Variants in XPO6 observed in about 807,000 individuals in gnomAD.
XPO6 encodes the protein exportin-6.
XPO6 carries 3 observed loss-of-function variants against 130.0 expected under a neutral mutation model. The observed-to-expected ratio is 0.02, with a 90% CI of 0.01 to 0.06. The LOEUF is 0.06. XPO6 is among the 10% of genes least tolerant of loss of function. The probability of loss-of-function intolerance (pLI) is 1.00; values close to 1 mark genes in which losing one functional copy is unlikely to be tolerated. For missense variants in XPO6, 970 were observed against 1,393.0 expected, an observed-to-expected ratio of 0.70 and a Z score of 4.83; for synonymous variants, 524 against 548.9, an observed-to-expected ratio of 0.95 and a Z score of 0.63.
chr16:28,131,528 T>C (rs1246924302), intron 12 of XPO6, among the ~76,000 whole-genome samples: 1 of 152,248 alleles, frequency 6.6e-6, no homozygotes, highest in Non-Finnish European at 1.5e-5. Flanking sequence ...TTTCAGTTAC[T>C]GGTGTTTTCA....
At chr16:28,143,963 T>A (rs557389186) in intron 9 of XPO6, among the ~76,000 whole-genome samples, 46 of 152,318 alleles carry the variant, frequency 3.0e-4, no homozygotes, top group East Asian at 7.7e-4. Flanking sequence ...AGCATTTTCA[T>A]ATTAATCATT....
intron 6 of XPO6, among the ~76,000 whole-genome samples, chr16:28,159,264 T>TG (rs2043232874): frequency 2.0e-5 from 3 of 151,788 alleles, no homozygotes; most frequent in Non-Finnish European, 4.4e-5. Flanking sequence ...GAAAAAAAAC[T>TG]ATAACAAGAA....
At chr16:28,192,632 G>A (rs1210969481) in intron 1 of XPO6, among the ~76,000 whole-genome samples, 1 of 152,064 alleles carries the variant, frequency 6.6e-6, no homozygotes, top group Non-Finnish European at 1.5e-5. Context: ...CCTCACACTG[G>A]GTAGATGTGG....
At chr16:28,161,438 A>G (rs1329108401) in intron 6 of XPO6, among the ~76,000 whole-genome samples, 1 of 152,158 alleles carries the variant, frequency 6.6e-6, no homozygotes, top group Non-Finnish European at 1.5e-5. Context: ...TTCATTAACG[A>G]AGGGTTTAAG....
At chr16:28,130,680 G>A (rs553031524) in intron 12 of XPO6, among the ~76,000 whole-genome samples, 57 of 152,260 alleles carry the variant, frequency 3.7e-4, no homozygotes, top group South Asian at 6.2e-4. Flanking sequence ...TGATCCGGAC[G>A]AGCCGAGTTC....
intron 9 of XPO6, 72 bp from the exon 10 acceptor site, chr16:28,135,396 T>A (rs2042756108): frequency 8.2e-7 from 1 of 1,218,160 alleles, no homozygotes. Flanking sequence ...CCTCCTGCAC[T>A]ATAAAAGAAA....
Position 28,101,635 on chromosome 16 carries a change from G to C in XPO6, c.3099C>G (p.Val1033=). ...LFQFVNVLLQ[V]LVHKSHDLLQ... ...GAAGATCATGGGACTTGTGGACCAG[G>C]ACCTGGAGCAGCACGTTCACAAACT... Residue 1033 remains valine (V), a synonymous_variant, in exon 23 of 24, where the codon GTC becomes GTG. Coordinates refer to ENST00000304658, the MANE Select transcript of XPO6 (RefSeq NM_015171.4). This position sits in a 1 kb window ranked among gnomAD's most constrained non-coding sequence, Gnocchi z 5.4. 6.2e-7 allele frequency: 1 copy of C among 1,613,638 alleles called. No homozygotes were observed. Among genetic ancestry groups the C allele is most frequent in the Middle Eastern group, 1.7e-4 (1 of 6,060 alleles).
At chr16:28,102,311 C>T (rs1203975535) in intron 21 of XPO6, among the ~76,000 whole-genome samples, 3 of 152,196 alleles carry the variant, frequency 2.0e-5, no homozygotes, top group Admixed American at 6.5e-5. Context: ...CCTTGCCCTC[C>T]TTCTTGCATC....
chr16:28,144,642 C>A (rs2042951940), intron 9 of XPO6, among the ~76,000 whole-genome samples: 1 of 152,224 alleles, frequency 6.6e-6, no homozygotes, highest in South Asian at 2.1e-4. Context: ...TCCAGCCCAA[C>A]CTTTTCTCTG....
intron 1 of XPO6, among the ~76,000 whole-genome samples, chr16:28,209,361 CG>C: frequency 6.6e-6 from 1 of 152,084 alleles, no homozygotes; most frequent in East Asian, 1.9e-4. Flanking sequence ...ATATTGAGGC[CG>C]GGCGCGATGG....
intron 1 of XPO6, among the ~76,000 whole-genome samples, chr16:28,184,636 T>C (rs2043666532): frequency 6.6e-6 from 1 of 152,002 alleles, no homozygotes; most frequent in Non-Finnish European, 1.5e-5. Context: ...TCAATTTTTT[T>C]GGACAGGCAA....
intron 23 of XPO6, among the ~76,000 whole-genome samples, chr16:28,099,150 C>T (rs1034481224): frequency 2.0e-5 from 3 of 152,212 alleles, no homozygotes; most frequent in African/African-American, 4.8e-5. Flanking sequence ...GGCTCCAGGC[C>T]GCCCCTGCCC....
chr16:28,182,483 T>A (rs1407029236), intron 1 of XPO6, among the ~76,000 whole-genome samples: 1 of 152,154 alleles, frequency 6.6e-6, no homozygotes, highest in African/African-American at 2.4e-5. Flanking sequence ...ACACCTGAAC[T>A]GCGACACACT....
chr16:28,156,823 C>T lies in XPO6; in HGVS notation c.644-296G>A, dbSNP rs558649146. 2.6e-5 allele frequency among the ~76,000 whole-genome samples: 4 copies of T among 152,224 alleles called. No homozygotes were observed. The South Asian group carries it at 6.2e-4, about 24-fold the overall frequency. On this transcript the variant is annotated intron_variant, in intron 6 of 23. Transcript: ENST00000304658. ...AGTGAGATTTGTACAACAGCAGTTT[C>T]CCAGGAGACATAAGTGAAGAGAAGA...
intron 9 of XPO6, among the ~76,000 whole-genome samples, chr16:28,140,276 A>G (rs144983719): frequency 2.1e-4 from 32 of 152,142 alleles, no homozygotes; most frequent in Non-Finnish European, 4.3e-4. Context: ...CTAGAAAACA[A>G]TAACAAAAAG....
chr16:28,154,243 C>G, intron 7 of XPO6: 3 of 908,250 alleles, frequency 3.3e-6, no homozygotes, highest in Non-Finnish European at 3.8e-6. Context: ...ACTCAATTCC[C>G]TACTACCCAT....
At chr16:28,202,761 T>A (rs76185680) in intron 1 of XPO6, among the ~76,000 whole-genome samples, 1 of 152,178 alleles carries the variant, frequency 6.6e-6, no homozygotes, top group Admixed American at 6.5e-5. Flanking sequence ...TTAGTTTTCA[T>A]TGGTACACGG....
intron 17 of XPO6, chr16:28,111,498 A>G (rs1269866442): frequency 4.4e-6 from 1 of 226,720 alleles, no homozygotes; most frequent in Admixed American, 5.2e-5. Context: ...GAAATAGATC[A>G]ATAACCACCT....
At chr16:28,166,715 T>A in intron 5 of XPO6, 130 bp from the exon 6 acceptor site, 1 of 1,482,794 alleles carries the variant, frequency 6.7e-7, no homozygotes, top group South Asian at 1.3e-5. Flanking sequence ...GACCATGTCC[T>A]CCTCCAGCTA....
Sources: allele counts gnomAD v4.1 joint callset (sites outside exome capture counted in the v4.1 genomes callset), GRCh38; gene constraint gnomAD v4.1.1; non-coding constraint Gnocchi (gnomAD v3.1); transcripts MANE v1.5; gene names NCBI Gene and HGNC (gene_info 2026-07-23, HGNC 2026-07-21).